Variants in SLC35F1 observed in about 807,000 individuals in gnomAD.
SLC35F1 encodes the protein solute carrier family 35 member F1.
SLC35F1 carries 14 observed loss-of-function variants against 48.7 expected under a neutral mutation model. The ratio of observed to expected loss-of-function variants is 0.29; its 90% CI spans 0.19 to 0.45. The LOEUF (loss-of-function observed/expected upper bound fraction) is 0.45. SLC35F1 is among the 20% of genes least tolerant of loss of function. SLC35F1 has a pLI of 1.00. For synonymous variants in SLC35F1, 190 were observed against 202.2 expected, an observed-to-expected ratio of 0.94 and a Z score of 0.51; for missense variants, 404 against 500.0, an observed-to-expected ratio of 0.81 and a Z score of 1.83.
At chr6:117,938,130 C>G (rs932823508) in intron 1 of SLC35F1, among the ~76,000 whole-genome samples, 5 of 152,178 alleles carry the variant, frequency 3.3e-5, no homozygotes, top group South Asian at 2.1e-4. Flanking sequence ...CTTGACTTCT[C>G]TGTCTCTTTA....
At chr6:118,111,074 T>C (rs1461412042) in intron 1 of SLC35F1, among the ~76,000 whole-genome samples, 2 of 152,148 alleles carry the variant, frequency 1.3e-5, no homozygotes, top group Admixed American at 6.5e-5. Flanking sequence ...TTTTCTCCCA[T>C]CTTCATAGTA....
At chr6:118,133,040 G>A (rs1033997707) in intron 1 of SLC35F1, among the ~76,000 whole-genome samples, 1 of 152,142 alleles carries the variant, frequency 6.6e-6, no homozygotes, top group African/African-American at 2.4e-5. Flanking sequence ...CCTGGATATC[G>A]CATCTTGATG....
At chr6:118,218,565 G>A (rs963372707) in intron 2 of SLC35F1, among the ~76,000 whole-genome samples, 2 of 152,222 alleles carry the variant, frequency 1.3e-5, no homozygotes, top group African/African-American at 2.4e-5. Flanking sequence ...TTTAGCTTAC[G>A]CCTGTTTCTT....
intron 1 of SLC35F1, among the ~76,000 whole-genome samples, chr6:118,105,672 A>T (rs1034638279): frequency 6.6e-6 from 1 of 152,016 alleles, no homozygotes; most frequent in African/African-American, 2.4e-5. Flanking sequence ...ATTTCCTTCC[A>T]TCTCTGTATT....
At chr6:118,013,336 T>C (rs1203959695) in intron 1 of SLC35F1, among the ~76,000 whole-genome samples, 2 of 152,120 alleles carry the variant, frequency 1.3e-5, no homozygotes, top group East Asian at 3.9e-4. Context: ...CTTTTAAACA[T>C]TGATCTGCAG....
At chr6:117,956,282 T>G (rs557336222) in intron 1 of SLC35F1, among the ~76,000 whole-genome samples, 2 of 152,340 alleles carry the variant, frequency 1.3e-5, no homozygotes, top group Non-Finnish European at 2.9e-5. Flanking sequence ...AAGCTCTTTG[T>G]CTCCAGCATT....
intron 3 of SLC35F1, among the ~76,000 whole-genome samples, chr6:118,239,167 T>G (rs891312113): frequency 2.7e-5 from 4 of 150,912 alleles, no homozygotes; most frequent in Non-Finnish European, 4.4e-5. Context: ...CACCAAACTG[T>G]GAGCTCTTTC....
At chr6:118,082,249 G>C (rs191311148) in intron 1 of SLC35F1, among the ~76,000 whole-genome samples, 1 of 152,280 alleles carries the variant, frequency 6.6e-6, no homozygotes, top group East Asian at 1.9e-4. Context: ...GTGAAACACT[G>C]ATCTAAATGA....
chr6:118,287,782 A>G (rs1776068691), intron 7 of SLC35F1, among the ~76,000 whole-genome samples: 1 of 152,114 alleles, frequency 6.6e-6, no homozygotes, highest in Non-Finnish European at 1.5e-5. Flanking sequence ...ACTTACACAC[A>G]TCAGGAAATG....
chr6:118,149,575 T>A (rs1324862555), intron 1 of SLC35F1, among the ~76,000 whole-genome samples: 1 of 152,190 alleles, frequency 6.6e-6, no homozygotes, highest in Non-Finnish European at 1.5e-5. Context: ...ATAGCTACAA[T>A]ATCTAGCTCC....
At chr6:118,180,757 G>C (rs1404837479) in intron 2 of SLC35F1, among the ~76,000 whole-genome samples, 1 of 152,038 alleles carries the variant, frequency 6.6e-6, no homozygotes, top group Non-Finnish European at 1.5e-5. Context: ...GGAGATTATA[G>C]AGAGAAAGGG....
intron 6 of SLC35F1, among the ~76,000 whole-genome samples, chr6:118,282,047 A>C (rs1775990948): frequency 6.6e-6 from 1 of 152,226 alleles, no homozygotes; most frequent in South Asian, 2.1e-4. Context: ...TGAGAGAGAG[A>C]ACATTCCAAG....
At chr6:117,927,737 A>ATGGGATGG (rs1562240489) in intron 1 of SLC35F1, among the ~76,000 whole-genome samples, 5 of 152,162 alleles carry the variant, frequency 3.3e-5, no homozygotes, top group Non-Finnish European at 7.4e-5. Context: ...ATGAAAGGTG[A>ATGGGATGG]TGGGATGGAT....
intron 2 of SLC35F1, among the ~76,000 whole-genome samples, chr6:118,234,175 T>C (rs771082371): frequency 1.2e-4 from 19 of 152,148 alleles, no homozygotes; most frequent in Non-Finnish European, 2.5e-4. Flanking sequence ...TAAAGATGTG[T>C]GTCACTGTTT....
chr6:118,240,361 C>G (rs7760967), intron 3 of SLC35F1, among the ~76,000 whole-genome samples: 97 of 152,316 alleles, frequency 6.4e-4, no homozygotes, highest in African/African-American at 2.3e-3. Flanking sequence ...GTGGGTATAA[C>G]TTTGCATATG....
chr6:118,161,188 C>CCT (rs2114480081), intron 2 of SLC35F1, among the ~76,000 whole-genome samples: 1 of 152,062 alleles, frequency 6.6e-6, no homozygotes, highest in Admixed American at 6.6e-5. Context: ...TATATCAGAC[C>CCT]CTAGAGTCAC....
intron 1 of SLC35F1, among the ~76,000 whole-genome samples, chr6:118,038,691 G>C (rs7748638): frequency 0.13 from 20,380 of 151,726 alleles, 1,816 homozygotes; most frequent in Non-Finnish European, 0.2. Context: ...GTGCCATCTT[G>C]GCTCACTGCA....
rs1367126663 is a variant in SLC35F1, at chr6:118,221,300, TG to T, written c.350-14207del. Among the ~76,000 whole-genome samples, 13 of 152,206 alleles carry T rather than the reference TG, an allele frequency of 8.5e-5. No individual in the cohort carries two copies. The East Asian group carries it at 2.5e-3, about 29-fold the overall frequency. ...GCAACAACAAGGGCAGGGAACAACT[TG>T]GCCCGCAGCACAAGGGCAAGGCACC... On this transcript the variant is annotated intron_variant, in intron 2 of 7. Coordinates refer to ENST00000360388, the MANE Select transcript of SLC35F1 (RefSeq NM_001029858.4).
intron 1 of SLC35F1, among the ~76,000 whole-genome samples, chr6:118,047,518 G>C (rs923807873): frequency 3.3e-5 from 5 of 152,116 alleles, no homozygotes; most frequent in African/African-American, 1.2e-4. Context: ...AATGTTGGTT[G>C]AGCAAACTTC....
Sources: gnomAD v4.1 joint callset for allele counts (sites outside exome capture counted in the v4.1 genomes callset) on GRCh38, gnomAD v4.1.1 for gene constraint, MANE v1.5 for transcripts, NCBI Gene and HGNC (gene_info 2026-07-23, HGNC 2026-07-21) for gene names.